The following TRERF1 variants were observed in gnomAD, a reference collection of about 807,000 sequenced individuals.
TRERF1 encodes the protein transcriptional-regulating factor 1.
Under a neutral mutation model 122.9 loss-of-function variants are expected in TRERF1, and 27 were observed. The observed-to-expected ratio is 0.22, with a 90% CI of 0.16 to 0.30. TRERF1 has a LOEUF of 0.30. Ranked by LOEUF, TRERF1 falls within the 10% of genes least tolerant of loss-of-function variation. The probability of loss-of-function intolerance (pLI) is 1.00; values close to 1 mark genes in which losing one functional copy is unlikely to be tolerated. For synonymous variants in TRERF1, 636 were observed against 641.7 expected, an observed-to-expected ratio of 0.99 and a Z score of 0.13; for missense variants, 1,248 against 1,560.3, an observed-to-expected ratio of 0.80 and a Z score of 3.37.
At chr6:42,257,743 A>G (rs1362434843) in intron 10 of TRERF1, among the ~76,000 whole-genome samples, 1 of 152,258 alleles carries the variant, frequency 6.6e-6, no homozygotes. Context: ...ATGCAAAATT[A>G]AAGTACTTAA....
intron 2 of TRERF1, among the ~76,000 whole-genome samples, chr6:42,377,610 G>A (rs188554765): frequency 1.3e-5 from 2 of 152,226 alleles, no homozygotes; most frequent in Non-Finnish European, 2.9e-5. Context: ...AGCATCCGTG[G>A]GGCTGCTTGG....
chr6:42,362,720 C>T (rs1464294524), intron 3 of TRERF1, among the ~76,000 whole-genome samples: 2 of 152,206 alleles, frequency 1.3e-5, no homozygotes, highest in Non-Finnish European at 2.9e-5. Flanking sequence ...CTAGAACTAC[C>T]ATCCATGGAC....
rs200607873 is a variant in TRERF1 at position 42,268,877 on chromosome 6, C to T, written c.714G>A (p.Gln238=). The T allele has an allele frequency of 1.2e-6, 2 of 1,614,092 alleles. No individual in the cohort carries two copies. Among genetic ancestry groups the T allele is most frequent in the South Asian group, 2.2e-5 (2 of 91,082 alleles). The change falls in exon 5 of 18, where the codon CAG becomes CAA. Residue 238 remains glutamine, a synonymous_variant. Coordinates refer to ENST00000372922, the Ensembl canonical transcript of TRERF1. The surrounding 1 kb of genome is among the most constrained non-coding windows in gnomAD (Gnocchi z 4.4). Reference sequence around the variant, plus strand: ...CCTGCACTGGCACCTGAGCCAGAGGCTGCTGGTAGTCATAATACAGGTGCC... The same window carrying T: ...CCTGCACTGGCACCTGAGCCAGAGGTTGCTGGTAGTCATAATACAGGTGCC...
At chr6:42,298,059 C>CA (rs921367988) in intron 4 of TRERF1, among the ~76,000 whole-genome samples, 89 of 151,282 alleles carry the variant, frequency 5.9e-4, no homozygotes, top group African/African-American at 2.1e-3. Context: ...ATAAATAAAG[C>CA]AAAAAGAAAA....
chr6:42,281,036 T>G (rs1782215013), intron 4 of TRERF1, among the ~76,000 whole-genome samples: 1 of 152,176 alleles, frequency 6.6e-6, no homozygotes, highest in African/African-American at 2.4e-5. Flanking sequence ...GGCTTCTGGT[T>G]ACTGAGAGGC....
chr6:42,270,860 C>A (rs1419626347), intron 4 of TRERF1, among the ~76,000 whole-genome samples: 1 of 150,336 alleles, frequency 6.7e-6, no homozygotes, highest in Non-Finnish European at 1.5e-5. Flanking sequence ...GCAACCTCCA[C>A]CTCCTAGGTT....
At chr6:42,344,364 T>C (rs1031391293) in intron 3 of TRERF1, among the ~76,000 whole-genome samples, 1 of 152,150 alleles carries the variant, frequency 6.6e-6, no homozygotes, top group Non-Finnish European at 1.5e-5. Context: ...ATCACTTCCA[T>C]TAACTCATTT....
At chr6:42,340,890 C>A (rs957790662) in intron 3 of TRERF1, among the ~76,000 whole-genome samples, 1 of 152,198 alleles carries the variant, frequency 6.6e-6, no homozygotes, top group East Asian at 1.9e-4. Flanking sequence ...CATAACACCC[C>A]TAGCTGATTG....
chr6:42,264,309 C>T (rs897056232), intron 7 of TRERF1, among the ~76,000 whole-genome samples: 5 of 152,216 alleles, frequency 3.3e-5, no homozygotes, highest in Non-Finnish European at 5.9e-5. Context: ...GGCTGAGAGC[C>T]TGATGATTAT....
At chr6:42,368,783 C>A (rs1383075658) in intron 2 of TRERF1, among the ~76,000 whole-genome samples, 1 of 152,126 alleles carries the variant, frequency 6.6e-6, no homozygotes, top group African/African-American at 2.4e-5. Context: ...TTATTGATTG[C>A]AGGACATAGG....
chr6:42,243,877 G>C (rs996753408), intron 14 of TRERF1, among the ~76,000 whole-genome samples: 1 of 126,402 alleles, frequency 7.9e-6, no homozygotes, highest in Non-Finnish European at 1.6e-5. Flanking sequence ...ACTGCGCCCA[G>C]CCTTTTTTTT....
chr6:42,265,062 G>T (rs1040848368), intron 6 of TRERF1, among the ~76,000 whole-genome samples: 2 of 152,148 alleles, frequency 1.3e-5, no homozygotes, highest in Non-Finnish European at 2.9e-5. Context: ...GTGGGAAAAG[G>T]CCTTCTCAAA....
At chr6:42,237,312 C>G (rs9462789) in intron 15 of TRERF1, among the ~76,000 whole-genome samples, 32,063 of 151,982 alleles carry the variant, frequency 0.21, 3,859 homozygotes, top group African/African-American at 0.33. Context: ...GGAAGGGCAA[C>G]GATCCAGGAG....
Position 42,263,078 on chromosome 6 carries a change from T to G in TRERF1, c.1884+242A>C, listed in dbSNP as rs1318821972. ...CAGAATCTAACCTAGGCCATTAGTTTGGCATTTAATGGGGAGCAGGCAGTG... is the reference window on the plus strand; with the variant it reads ...CAGAATCTAACCTAGGCCATTAGTTGGGCATTTAATGGGGAGCAGGCAGTG... On this transcript the variant is annotated intron_variant, in intron 8 of 17. Transcript: ENST00000372922. The surrounding 1 kb of genome is among the most constrained non-coding windows in gnomAD (Gnocchi z 5.6). Among the ~76,000 whole-genome samples the G allele has an allele frequency of 6.6e-6, 1 of 152,206 alleles. No individual in the cohort carries two copies. The highest frequency in any genetic ancestry group is 1.5e-5 in the Non-Finnish European group (1 of 68,032).
intron 3 of TRERF1, among the ~76,000 whole-genome samples, chr6:42,331,547 C>T (rs1044428838): frequency 1.3e-5 from 2 of 152,210 alleles, no homozygotes; most frequent in Admixed American, 6.5e-5. Context: ...GGGGATCGCC[C>T]ACCGGATAAC....
intron 2 of TRERF1, among the ~76,000 whole-genome samples, chr6:42,413,708 G>A (rs1397001827): frequency 2.0e-5 from 3 of 152,290 alleles, no homozygotes; most frequent in South Asian, 2.1e-4. Context: ...GATTACAGGC[G>A]TGGGCCACCG....
At chr6:42,370,954 G>T (rs1773653144) in intron 2 of TRERF1, among the ~76,000 whole-genome samples, 1 of 152,114 alleles carries the variant, frequency 6.6e-6, no homozygotes, top group African/African-American at 2.4e-5. Context: ...GCTCCCCAAG[G>T]CTTTCTGAGT....
upstream of TRERF1, chr6:42,452,081 C>G (rs1788653585): frequency 6.6e-6 from 1 of 152,324 alleles, no homozygotes; most frequent in African/African-American, 2.4e-5. Context: ...TCCCCGGTAC[C>G]CCCCTTTTTT....
intron 15 of TRERF1, among the ~76,000 whole-genome samples, chr6:42,242,998 T>C (rs1051784962): frequency 6.6e-6 from 1 of 152,188 alleles, no homozygotes; most frequent in Non-Finnish European, 1.5e-5. Flanking sequence ...GGCTCCTAGC[T>C]GCCTTGAAGC....
Sources: allele counts gnomAD v4.1 joint callset (sites outside exome capture counted in the v4.1 genomes callset), GRCh38; gene constraint gnomAD v4.1.1; non-coding constraint Gnocchi (gnomAD v3.1); transcripts MANE v1.5; gene names NCBI Gene and HGNC (gene_info 2026-07-23, HGNC 2026-07-21).